Variants in ZNF112 observed in about 807,000 individuals in gnomAD.
ZNF112 encodes the protein zinc finger protein 112 (Y14).
Under a neutral mutation model 77.7 loss-of-function variants are expected in ZNF112, and 37 were observed. That is an observed-to-expected ratio of 0.48 (90% CI 0.37 to 0.63). ZNF112 has a LOEUF of 0.63. Ranked by LOEUF, ZNF112 falls within the 20% of genes least tolerant of loss-of-function variation. The pLI is 0.00. For synonymous variants in ZNF112, 333 were observed against 363.6 expected, an observed-to-expected ratio of 0.92 and a Z score of 0.96; for missense variants, 950 against 1,077.4, an observed-to-expected ratio of 0.88 and a Z score of 1.66.
chr19:44,351,612 C>T lies in ZNF112; in HGVS notation c.-4+5014G>A, dbSNP rs184747281. Among the ~76,000 whole-genome samples, 681 of 152,106 alleles carry T rather than the reference C, an allele frequency of 4.5e-3. 2 individuals are homozygous for T. The highest frequency in any genetic ancestry group is 0.01 in the Middle Eastern group (3 of 294). On this transcript the variant is annotated intron_variant, in intron 1 of 3. Coordinates refer to ENST00000354340, the MANE Select transcript of ZNF112 (RefSeq NM_013380.4). ...TCTTAAATTTTGTCAATTAAAGTTT[C>T]CTCTCATTATATAAATACCTAAATA...
Position 44,329,200 on chromosome 19 carries a change from A to G in ZNF112, c.957T>C (p.His319=). The part of the protein sequence containing the change: ...NSHLKSYQRV[H]TEEKPCKCGE... ...CACATTTGCATGGTTTCTCCTCTGT[A>G]TGCACTCTCTGATAGGATTTCAGAT... The change falls in exon 4 of 4, where the codon CAT becomes CAC. Residue 319 remains histidine, a synonymous_variant. Transcript: ENST00000354340. 1 of 1,613,806 alleles carries G rather than the reference A, an allele frequency of 6.2e-7. No individual in the cohort carries two copies. Among genetic ancestry groups the G allele is most frequent in the Non-Finnish European group, 8.5e-7 (1 of 1,179,982 alleles).
chr19:44,363,542 CG>C (rs1187546132), intron 1 of ZNF112, among the ~76,000 whole-genome samples: 2 of 152,108 alleles, frequency 1.3e-5, no homozygotes, highest in African/African-American at 4.8e-5. Flanking sequence ...TGGAACCATA[CG>C]GTAAGAACTC....
rs868501755 is a variant in ZNF112, at chr19:44,356,677, C to T, written c.-55G>A. On this transcript the variant is annotated 5_prime_UTR_variant, in exon 1 of 4. Coordinates refer to ENST00000354340, the MANE Select transcript of ZNF112 (RefSeq NM_013380.4). ...CCTAGCGTACCTGGGGCGGAAGTGGCTCTGCCTACCGAGACCTCCTGGACT... is the reference window on the plus strand; with the variant it reads ...CCTAGCGTACCTGGGGCGGAAGTGGTTCTGCCTACCGAGACCTCCTGGACT... 2.6e-5 allele frequency: 4 copies of T among 152,340 alleles called. No individual in the cohort carries two copies. The highest frequency in any genetic ancestry group is 4.8e-5 in the African/African-American group (2 of 41,464). The allele number at this position is 152,340 out of a possible 1,614,324, so 9.4% of individuals were successfully genotyped here. A position where few individuals can be genotyped will look rare whatever the true frequency, so the allele number is the denominator to read the frequency against.
chr19:44,353,747 T>C (rs1467272891), intron 1 of ZNF112, among the ~76,000 whole-genome samples: 2 of 152,106 alleles, frequency 1.3e-5, no homozygotes, highest in Non-Finnish European at 2.9e-5. Context: ...TAAGTGCTGA[T>C]GAAGATGTAA....
At chr19:44,330,741 A>C (rs988308360) in intron 3 of ZNF112, among the ~76,000 whole-genome samples, 1 of 152,204 alleles carries the variant, frequency 6.6e-6, no homozygotes, top group Non-Finnish European at 1.5e-5. Context: ...GTCTCAAACG[A>C]AACAAAACAA....
At chr19:44,339,082 A>T (rs567220192) in intron 2 of ZNF112, among the ~76,000 whole-genome samples, 2 of 152,248 alleles carry the variant, frequency 1.3e-5, no homozygotes, top group South Asian at 2.1e-4. Context: ...TATATATATA[A>T]AATTGGCTTT....
chr19:44,345,166 A>G (rs1371126272), intron 1 of ZNF112, among the ~76,000 whole-genome samples: 1 of 152,148 alleles, frequency 6.6e-6, no homozygotes, highest in East Asian at 1.9e-4. Context: ...GTGGAAGAAG[A>G]GTTTTTATGA....
chr19:44,343,616 T>C (rs1970533019), intron 1 of ZNF112, among the ~76,000 whole-genome samples: 1 of 152,190 alleles, frequency 6.6e-6, no homozygotes, highest in East Asian at 1.9e-4. Flanking sequence ...AAGTGGACTC[T>C]GGGGACAAAA....
In ZNF112 at chr19:44,327,924, A is replaced by C; in HGVS notation, c.2233T>G (p.Cys745Gly). ...RVHTRVKPYK[C>G]EMCGKGFSQS... is the part of the protein sequence containing the mutation. ...CTAAAGCCCTTCCCACACATCTCAC[A>C]TTTATACGGTTTCACTCTAGTGTGG... Residue 745 changes from cysteine (C) to glycine (G), a missense_variant, in exon 4 of 4, where the codon TGT becomes GGT. Coordinates refer to ENST00000354340, the MANE Select transcript of ZNF112 (RefSeq NM_013380.4). 1 of 1,613,494 alleles carries C rather than the reference A, an allele frequency of 6.2e-7. No homozygotes were observed. Among genetic ancestry groups the C allele is most frequent in the Non-Finnish European group, 8.5e-7 (1 of 1,179,890 alleles).
intron 1 of ZNF112, among the ~76,000 whole-genome samples, chr19:44,340,923 AG>A (rs1157180067): frequency 1.3e-5 from 2 of 152,196 alleles, no homozygotes; most frequent in Non-Finnish European, 2.9e-5. Context: ...TCAAATTTAC[AG>A]GGTATCAGTC....
At chr19:44,356,481 G>A (rs1204714519) in intron 1 of ZNF112, 145 bp downstream of exon 1, 1 of 152,206 alleles carries the variant, frequency 6.6e-6, no homozygotes, top group Admixed American at 6.5e-5. Context: ...ACTGGAGAAG[G>A]CTCATTCAAA....
chr19:44,342,668 T>C (rs1970511549), intron 1 of ZNF112, among the ~76,000 whole-genome samples: 1 of 151,550 alleles, frequency 6.6e-6, no homozygotes. Flanking sequence ...TACAAAAAAA[T>C]AGCTCGGTGT....
intron 2 of ZNF112, among the ~76,000 whole-genome samples, chr19:44,340,100 T>C (rs10410344): frequency 0.15 from 2,370 of 16,278 alleles, 69 homozygotes; most frequent in African/African-American, 0.38. Context: ...AAATATAATG[T>C]TTTTTTAAAA....
intron 2 of ZNF112, among the ~76,000 whole-genome samples, chr19:44,337,309 ATT>A (rs1435688464): frequency 4.3e-5 from 5 of 117,184 alleles, no homozygotes; most frequent in Admixed American, 2.2e-4. Context: ...ATATATATAT[ATT>A]TTGTATATGT....
chr19:44,330,121 A>G (rs540190824), intron 3 of ZNF112, among the ~76,000 whole-genome samples, 185 bp from the exon 4 acceptor site: 2 of 152,304 alleles, frequency 1.3e-5, no homozygotes, highest in Non-Finnish European at 2.9e-5. Flanking sequence ...GAGTATTCTC[A>G]ATCCAAAAAT....
intron 1 of ZNF112, among the ~76,000 whole-genome samples, chr19:44,342,056 C>G (rs1026362969): frequency 6.6e-6 from 1 of 152,196 alleles, no homozygotes; most frequent in Non-Finnish European, 1.5e-5. Flanking sequence ...CAACAGTCAT[C>G]TGGGGCCATG....
At chr19:44,361,936 C>T (rs1184187694) in intron 1 of ZNF112, among the ~76,000 whole-genome samples, 1 of 151,616 alleles carries the variant, frequency 6.6e-6, no homozygotes, top group Non-Finnish European at 1.5e-5. Context: ...TTTCTGTAAC[C>T]CTAAAACTGC....
At chr19:44,334,134 A>G (rs1301115288) in intron 3 of ZNF112, among the ~76,000 whole-genome samples, 1 of 152,206 alleles carries the variant, frequency 6.6e-6, no homozygotes, top group Non-Finnish European at 1.5e-5. Flanking sequence ...AAATGCATTT[A>G]TACATTTTCC....
At chr19:44,352,037 A>T (rs1046082256) in intron 1 of ZNF112, among the ~76,000 whole-genome samples, 1 of 152,018 alleles carries the variant, frequency 6.6e-6, no homozygotes, top group Non-Finnish European at 1.5e-5. Flanking sequence ...GGAAAAGGCA[A>T]TGGGGTTGGG....
Sources: allele counts gnomAD v4.1 joint callset (sites outside exome capture counted in the v4.1 genomes callset), GRCh38; gene constraint gnomAD v4.1.1; transcripts MANE v1.5; gene names NCBI Gene and HGNC (gene_info 2026-07-23, HGNC 2026-07-21).